KMT2A: variants seen among roughly 807,000 people sequenced by gnomAD.
KMT2A encodes the protein histone-lysine N-methyltransferase 2A.
Under a neutral mutation model 345.3 loss-of-function variants are expected in KMT2A, and 16 were observed. That is an observed-to-expected ratio of 0.05 (90% CI 0.03 to 0.07). The LOEUF (loss-of-function observed/expected upper bound fraction) is 0.07, where lower values mean the gene tolerates loss of function less well. Among genes scored for constraint, KMT2A ranks in the 10% least tolerant of loss-of-function variants. KMT2A has a pLI of 1.00. For missense variants in KMT2A, 3,272 were observed against 4,841.6 expected, an observed-to-expected ratio of 0.68 and a Z score of 9.62; for synonymous variants, 1,599 against 1,778.6, an observed-to-expected ratio of 0.90 and a Z score of 2.54.
chr11:118,503,645 G>C lies in KMT2A; in HGVS notation c.7753G>C (p.Asp2585His). The change falls in exon 27 of 36, where the codon GAT becomes CAT. Residue 2585 changes from aspartate to histidine, a missense_variant. This residue lies in a region of KMT2A where 445 missense variants were observed against 500.9 expected (regional missense o/e 0.89). Transcript: ENST00000534358. The surrounding 1 kb of genome is among the most constrained non-coding windows in gnomAD (Gnocchi z 5.3). ...QPSPNNTSCQ[D>H]SQSNNYQNLP... The stretch of plus-strand genomic sequence containing the variant: ...AAGCCCCAATAATACCTCATGCCAG[G>C]ATTCTCAAAGTAACAACTATCAGAA... 6.2e-7 allele frequency: 1 copy of C among 1,614,202 alleles called. No individual in the cohort carries two copies. The highest frequency in any genetic ancestry group is 1.1e-5 in the South Asian group (1 of 91,084).
At position 118,473,012 on chromosome 11, in the gene KMT2A, G is replaced by A. The variant is rs1555036194; in HGVS notation, c.1853G>A (p.Arg618Lys). Residue 618 changes from arginine (R) to lysine (K), a missense_variant, in exon 3 of 36, where the codon AGG becomes AAG. By Grantham distance (26) the Arg-to-Lys change is conservative (BLOSUM62 2). Transcript: ENST00000534358. The surrounding 1 kb of genome is among the most constrained non-coding windows in gnomAD (Gnocchi z 5.2). Reference protein sequence around the residue: ...RKSILREPTFRWTSLKHSRSE... With the variant: ...RKSILREPTFKWTSLKHSRSE... ...TCTATTTTGCGAGAACCGACATTTA[G>A]GTGGACTTCTTTAAAGCATTCTAGG... 6.2e-7 allele frequency: 1 copy of A among 1,614,130 alleles called. No individual in the cohort carries two copies. Among genetic ancestry groups the A allele is most frequent in the South Asian group, 1.1e-5 (1 of 91,072 alleles).
intron 1 of KMT2A, among the ~76,000 whole-genome samples, chr11:118,441,323 T>C (rs879974015): frequency 2.0e-5 from 3 of 152,150 alleles, no homozygotes; most frequent in Middle Eastern, 3.2e-3. Context: ...CTGGCATTAT[T>C]ATTAGGAGGA....
Position 118,489,822 on chromosome 11 carries a change from A to G in KMT2A, c.4510A>G (p.Ser1504Gly). ...GCTGGAGTGTAATAAGTGCCGAAAC[A>G]GCTATCACCCTGAGTGCCTGGGACC... ...QLLECNKCRN[S>G]YHPECLGPNY... The change falls in exon 12 of 36, where the codon AGC becomes GGC. Residue 1504 changes from serine (S) to glycine (G), a missense_variant. Ser to Gly is a moderately conservative substitution (Grantham distance 56, BLOSUM62 0). Transcript: ENST00000534358. 1 of 1,614,220 alleles carries G rather than the reference A, an allele frequency of 6.2e-7. No homozygotes were observed. The highest frequency in any genetic ancestry group is 1.3e-5 in the African/African-American group (1 of 75,066).
At chr11:118,487,591 C>T (rs1489871085) in intron 10 of KMT2A, among the ~76,000 whole-genome samples, 1 of 152,052 alleles carries the variant, frequency 6.6e-6, no homozygotes, top group African/African-American at 2.4e-5. Flanking sequence ...CACATTTTAC[C>T]TGTAGATACA....
intron 1 of KMT2A, among the ~76,000 whole-genome samples, chr11:118,447,195 A>G (rs1392371620): frequency 1.3e-4 from 20 of 152,182 alleles, no homozygotes; most frequent in African/African-American, 4.6e-4. Context: ...TTAACCCCGT[A>G]TACCTTATGT....
intron 1 of KMT2A, among the ~76,000 whole-genome samples, chr11:118,454,833 A>G (rs1949609998): frequency 6.6e-6 from 1 of 152,078 alleles, no homozygotes; most frequent in Non-Finnish European, 1.5e-5. Context: ...ACTTTAAAAA[A>G]ATGGTTAATT....
rs1950959957 is a variant in KMT2A, at chr11:118,521,166, T to C, written c.11514-122T>C. On this transcript the variant is annotated intron_variant, in intron 34 of 35. Transcript: ENST00000534358. This position sits in a 1 kb window ranked among gnomAD's most constrained non-coding sequence, Gnocchi z 5.3. The stretch of plus-strand genomic sequence containing the variant: ...GCCAAATCAAGTGGGTCCAAATTTT[T>C]ATTTTCTCAAGTATATGTCCCTCCT... 2.6e-6 allele frequency: 3 copies of C among 1,147,174 alleles called. No homozygotes were observed. Among genetic ancestry groups the C allele is most frequent in the Non-Finnish European group, 3.7e-6 (3 of 804,030 alleles). The allele number at this position is 1,147,174 out of a possible 1,614,324, so 71.1% of individuals were successfully genotyped here.
At chr11:118,479,304 G>A (rs2134291205) in intron 5 of KMT2A, among the ~76,000 whole-genome samples, 1 of 152,196 alleles carries the variant, frequency 6.6e-6, no homozygotes, top group South Asian at 2.1e-4. Context: ...AGTTTGTGGA[G>A]GTACTTTCTG....
At position 118,521,219 on chromosome 11, in the gene KMT2A, T is replaced by C. The variant is rs1162112060; in HGVS notation, c.11514-69T>C. On this transcript the variant is annotated intron_variant, in intron 34 of 35. Coordinates refer to ENST00000534358, the MANE Select transcript of KMT2A (RefSeq NM_001197104.2). The surrounding 1 kb of genome is among the most constrained non-coding windows in gnomAD (Gnocchi z 5.3). ...GGAACTAACAGACCAGGAGAACTTA[T>C]TCATGTATTCACGCACTTAACCTTA... is the stretch of plus-strand genomic sequence containing the variant. 4.6e-6 allele frequency: 7 copies of C among 1,525,098 alleles called. No individual in the cohort carries two copies. Among genetic ancestry groups the C allele is most frequent in the Admixed American group, 1.7e-5 (1 of 57,620 alleles). 94.5% of individuals were successfully genotyped at this position (1,525,098 alleles called of 1,614,324 possible).
chr11:118,476,991 A>C lies in KMT2A; in HGVS notation c.3334+9A>C, dbSNP rs1330460205. The C allele has an allele frequency of 1.2e-6, 2 of 1,613,752 alleles. No individual in the cohort carries two copies. Among genetic ancestry groups the C allele is most frequent in the African/African-American group, 2.7e-5 (2 of 74,924 alleles). On this transcript the variant is annotated intron_variant, in intron 4 of 35. Transcript: ENST00000534358. This position sits in a 1 kb window ranked among gnomAD's most constrained non-coding sequence, Gnocchi z 4.1. The stretch of plus-strand genomic sequence containing the variant: ...TTCCATGGGGAATGATGGTAGGTCA[A>C]GAAGGTCAATCTTGGAGTCGGAACA...
Position 118,525,694 on chromosome 11 carries a change from G to A in KMT2A, c.*3522G>A, listed in dbSNP as rs879953988. On this transcript the variant is annotated 3_prime_UTR_variant, in exon 36 of 36. Transcript: ENST00000534358. ...GAATGTATCTTTCTAAAGGACTGAC[G>A]TTCAATCAAATATCTGAAAATACTA... 3 of 227,522 alleles carry A rather than the reference G, an allele frequency of 1.3e-5. No individual in the cohort carries two copies. The highest frequency in any genetic ancestry group is 6.7e-5 in the African/African-American group (3 of 44,750). The allele number at this position is 227,522 out of a possible 1,614,324, so 14.1% of individuals were successfully genotyped here. A position where few individuals can be genotyped will look rare whatever the true frequency, so the allele number is the denominator to read the frequency against.
chr11:118,465,922 G>GT (rs571382642), intron 1 of KMT2A, among the ~76,000 whole-genome samples: 5 of 151,548 alleles, frequency 3.3e-5, no homozygotes, highest in African/African-American at 7.3e-5. Context: ...GTTTTGTTTT[G>GT]TTTTTTTGGT....
Position 118,524,305 on chromosome 11 carries a change from G to A in KMT2A, c.*2133G>A, listed in dbSNP as rs975294294. On this transcript the variant is annotated 3_prime_UTR_variant, in exon 36 of 36. Transcript: ENST00000534358. ...GTAGAGGGTGGGGCACCCTTTTCTC[G>A]CCGCAAGAAGCCCATTCCTATGGAA... The A allele has an allele frequency of 2.7e-5, 5 of 187,760 alleles. No individual in the cohort carries two copies. The highest frequency in any genetic ancestry group is 3.9e-4 in the South Asian group (2 of 5,156). 11.6% of individuals were successfully genotyped at this position (187,760 alleles called of 1,614,324 possible).
At position 118,506,206 on chromosome 11, in the gene KMT2A, G is replaced by C. The variant is rs781998887; in HGVS notation, c.10314G>C (p.Thr3438=). The change falls in exon 27 of 36, where the codon ACG becomes ACC. Residue 3438 remains threonine, a synonymous_variant. Coordinates refer to ENST00000534358, the MANE Select transcript of KMT2A (RefSeq NM_001197104.2). The stretch of plus-strand genomic sequence containing the variant: ...GTGTGCTCCCCTCCACTCAGACTAC[G>C]GGCATAACAGCCGCTTCACCTTCTG... The part of the protein sequence containing the change: ...SICVLPSTQT[T]GITAASPSGE... 1 of 1,613,924 alleles carries C rather than the reference G, an allele frequency of 6.2e-7. No homozygotes were observed. The highest frequency in any genetic ancestry group is 1.3e-5 in the African/African-American group (1 of 74,866).
Position 118,484,391 on chromosome 11 carries a change from T to C in KMT2A, c.4218+77T>C, listed in dbSNP as rs1373222244. Reference sequence around the variant, plus strand: ...AAAGAAAATGCTACTACCAAAGGTGTTGAAAGAGGAAATCAGCACCAACTG... The same window carrying C: ...AAAGAAAATGCTACTACCAAAGGTGCTGAAAGAGGAAATCAGCACCAACTG... On this transcript the variant is annotated intron_variant, in intron 9 of 35. Transcript: ENST00000534358. This position sits in a 1 kb window ranked among gnomAD's most constrained non-coding sequence, Gnocchi z 4.1. 2 of 1,485,244 alleles carry C rather than the reference T, an allele frequency of 1.3e-6. No individual in the cohort carries two copies. The highest frequency in any genetic ancestry group is 1.2e-5 in the South Asian group (1 of 82,650). The allele number at this position is 1,485,244 out of a possible 1,614,324, so 92.0% of individuals were successfully genotyped here.
rs1157956053 is a variant in KMT2A, at chr11:118,524,629, G to C, written c.*2457G>C. 1 of 180,344 alleles carries C rather than the reference G, an allele frequency of 5.5e-6. No homozygotes were observed. The highest frequency in any genetic ancestry group is 1.2e-5 in the Non-Finnish European group (1 of 84,222). 11.2% of individuals were successfully genotyped at this position (180,344 alleles called of 1,614,324 possible). The stretch of plus-strand genomic sequence containing the variant: ...TGAACAAGATGCAGTGGCCCTAGGG[G>C]TTCCACTAGTGTCTGCTTTCCTTTA... On this transcript the variant is annotated 3_prime_UTR_variant, in exon 36 of 36. Coordinates refer to ENST00000534358, the MANE Select transcript of KMT2A (RefSeq NM_001197104.2).
At chr11:118,501,219 A>T in intron 25 of KMT2A, 72 bp downstream of exon 25, 1 of 1,398,644 alleles carries the variant, frequency 7.1e-7, no homozygotes, top group Non-Finnish European at 1.0e-6. Context: ...GCACTTTGGG[A>T]GGCTGAGGCA....
intron 1 of KMT2A, among the ~76,000 whole-genome samples, chr11:118,442,825 C>G (rs1193278705): frequency 1.3e-5 from 2 of 152,068 alleles, no homozygotes; most frequent in African/African-American, 4.8e-5. Context: ...TTTCCAGGAC[C>G]TTCGTATTCA....
chr11:118,517,395 CAA>C (rs11436622), intron 31 of KMT2A, among the ~76,000 whole-genome samples: 1 of 113,870 alleles, frequency 8.8e-6, no homozygotes. Context: ...GACTCTGTCT[CAA>C]AAAAAAAAAA....
Sources: allele counts gnomAD v4.1 joint callset (sites outside exome capture counted in the v4.1 genomes callset), GRCh38; gene constraint gnomAD v4.1.1; regional missense constraint gnomAD v4.1.1; non-coding constraint Gnocchi (gnomAD v3.1); transcripts MANE v1.5; gene names NCBI Gene and HGNC (gene_info 2026-07-23, HGNC 2026-07-21).